Variants in RNASEH2B observed in about 807,000 individuals in gnomAD.
RNASEH2B encodes ribonuclease H2 subunit B, also known as Aicardi-Goutieres syndrome 2 protein.
Under a neutral mutation model 45.0 loss-of-function variants are expected in RNASEH2B, and 36 were observed. The ratio of observed to expected loss-of-function variants is 0.80; its 90% CI spans 0.61 to 1.06. RNASEH2B has a LOEUF of 1.06. Ranked by LOEUF, RNASEH2B falls within the 50% of genes least tolerant of loss-of-function variation. The pLI is 0.00. For missense variants in RNASEH2B, 361 were observed against 360.3 expected (o/e 1.00, Z -0.02); for synonymous variants, 119 against 125.7 (o/e 0.95, Z 0.35).
chr13:50,911,028 A>AT (rs777198843), intron 1 of RNASEH2B: 47 of 152,148 alleles, frequency 3.1e-4, no homozygotes, highest in Non-Finnish European at 5.6e-4. Flanking sequence ...TGTCAATAAT[A>AT]TTTTTTGCCT....
intron 5 of RNASEH2B, 27 bp from the exon 6 acceptor site, chr13:50,943,294 T>C (rs1035038442): frequency 5.4e-6 from 7 of 1,287,948 alleles, no homozygotes; most frequent in Non-Finnish European, 7.9e-6. Flanking sequence ...TTTAATTCAT[T>C]GTGCTGAGTC....
At chr13:50,918,528 T>C (rs1254882718) in intron 1 of RNASEH2B, among the ~76,000 whole-genome samples, 2 of 152,362 alleles carry the variant, frequency 1.3e-5, no homozygotes, top group Non-Finnish European at 2.9e-5. Context: ...TCCTGGTGCA[T>C]GTCTCTCTTG....
chr13:50,933,324 G>A (rs1216966311), intron 4 of RNASEH2B, among the ~76,000 whole-genome samples: 1 of 152,210 alleles, frequency 6.6e-6, no homozygotes, highest in Non-Finnish European at 1.5e-5. Context: ...CCTCCAGGGT[G>A]CTATGGCGAG....
At chr13:50,927,940 C>T (rs1951621820) in intron 2 of RNASEH2B, among the ~76,000 whole-genome samples, 1 of 151,100 alleles carries the variant, frequency 6.6e-6, no homozygotes, top group Non-Finnish European at 1.5e-5. Context: ...AGCTATACTT[C>T]CCTATTTTCT....
intron 6 of RNASEH2B, among the ~76,000 whole-genome samples, chr13:50,944,481 T>G (rs1204340070): frequency 6.6e-6 from 1 of 151,978 alleles, no homozygotes; most frequent in Admixed American, 6.6e-5. Flanking sequence ...AGGGAGAGCA[T>G]TAGGACAAAT....
chr13:50,968,816 C>T (rs552500527), intron 9 of RNASEH2B, among the ~76,000 whole-genome samples: 29 of 152,252 alleles, frequency 1.9e-4, no homozygotes, highest in African/African-American at 6.7e-4. Flanking sequence ...ACTGTACTTT[C>T]ATTAATAAAT....
chr13:50,954,134 A>T, intron 10 of RNASEH2B, 149 bp downstream of exon 10: 2 of 694,986 alleles, frequency 2.9e-6, no homozygotes, highest in Non-Finnish European at 5.3e-6. Context: ...ATAATTAAGA[A>T]TTGCATATGA....
downstream of RNASEH2B, among the ~76,000 whole-genome samples, chr13:50,958,575 CTT>C (rs911846734): frequency 9.9e-5 from 15 of 151,872 alleles, no homozygotes; most frequent in African/African-American, 3.4e-4. Context: ...GCTATCCAAG[CTT>C]TTTTTTGGTT....
In RNASEH2B at chr13:50,930,692, T is replaced by C; in HGVS notation, c.254T>C (p.Leu85Pro). The change falls in exon 4 of 11, where the codon CTC (leucine) becomes CCC (proline). Residue 85 changes from leucine (L) to proline (P), a missense_variant. Coordinates refer to ENST00000336617, the MANE Select transcript of RNASEH2B (RefSeq NM_024570.4). Reference sequence around the variant, plus strand: ...TTTTTGTAATCTGCAGGAGGTCTTCTCCATTTTGCCACACCTGTGGATCCT... The same window carrying C: ...TTTTTGTAATCTGCAGGAGGTCTTCCCCATTTTGCCACACCTGTGGATCCT... Reference protein sequence around the residue: ...INQSVQSGGLLHFATPVDPLF... With the variant: ...INQSVQSGGLPHFATPVDPLF... 1.2e-6 allele frequency: 2 copies of C among 1,612,594 alleles called. No homozygotes were observed. Among genetic ancestry groups the C allele is most frequent in the Non-Finnish European group, 1.7e-6 (2 of 1,178,576 alleles).
chr13:50,950,035 C>T (rs1453562616), intron 9 of RNASEH2B: 1 of 153,550 alleles, frequency 6.5e-6, no homozygotes, highest in Non-Finnish European at 1.4e-5. Context: ...GGCTGCTACC[C>T]ACAGCTCCTC....
At chr13:50,924,478 A>T (rs1160536509) in intron 1 of RNASEH2B, among the ~76,000 whole-genome samples, 1 of 152,242 alleles carries the variant, frequency 6.6e-6, no homozygotes, top group Non-Finnish European at 1.5e-5. Context: ...TAATTATAAC[A>T]TACATGCACC....
chr13:50,960,225 T>G (rs1212387696), downstream of RNASEH2B: 1 of 706,392 alleles, frequency 1.4e-6, no homozygotes. Context: ...TTTACTAAAC[T>G]ATTAATGGAA....
Position 50,927,419 on chromosome 13 carries a change from A to T in RNASEH2B, c.77A>T (p.Asp26Val). ...HVFLVSEYLKDASKKMKNGLM... is the reference protein window; with the variant it reads ...HVFLVSEYLKVASKKMKNGLM... ...GGTTTATTTTCAGAATATTTAAAAG[A>T]TGCTTCAAAGAAGATGAAAAATGGG... Residue 26 changes from aspartate (D) to valine (V), a missense_variant, in exon 2 of 11, where the codon GAT becomes GTT. Asp to Val is a radical substitution (Grantham distance 152, BLOSUM62 -3). Transcript: ENST00000336617. The T allele has an allele frequency of 6.3e-7, 1 of 1,588,740 alleles. No homozygotes were observed.
chr13:50,910,278 G>A, intron 1 of RNASEH2B, 138 bp downstream of exon 1: 1 of 544,696 alleles, frequency 1.8e-6, no homozygotes, highest in Non-Finnish European at 2.9e-6. Context: ...GGGACAGCTG[G>A]CCCCGCATTT....
At chr13:50,965,544 C>G (rs895056690) in intron 9 of RNASEH2B, among the ~76,000 whole-genome samples, 1 of 152,236 alleles carries the variant, frequency 6.6e-6, no homozygotes, top group East Asian at 1.9e-4. Flanking sequence ...CTGGACACCC[C>G]AGACAGGTGT....
chr13:50,954,089 C>T, intron 10 of RNASEH2B, 104 bp downstream of exon 10: 1 of 757,790 alleles, frequency 1.3e-6, no homozygotes, highest in Non-Finnish European at 2.4e-6. Flanking sequence ...CAGTTTTGAC[C>T]AGGAAGAATT....
intron 1 of RNASEH2B, chr13:50,911,326 G>C (rs947947476): frequency 6.6e-6 from 1 of 152,216 alleles, no homozygotes; most frequent in African/African-American, 2.4e-5. Context: ...CAGTTGTTTG[G>C]TTGGTTGGTT....
At chr13:50,954,108 G>T (rs1431868543) in intron 10 of RNASEH2B, 123 bp downstream of exon 10, 1 of 718,134 alleles carries the variant, frequency 1.4e-6, no homozygotes. Context: ...TTATTAACTT[G>T]CATTTCTGTG....
chr13:50,917,211 G>T (rs142423354), intron 1 of RNASEH2B, among the ~76,000 whole-genome samples: 33 of 152,322 alleles, frequency 2.2e-4, no homozygotes, highest in African/African-American at 7.5e-4. Context: ...TGAGGCTAAA[G>T]AGTGCTTTTC....
Sources: gnomAD v4.1 joint callset for allele counts (sites outside exome capture counted in the v4.1 genomes callset) on GRCh38, gnomAD v4.1.1 for gene constraint, MANE v1.5 for transcripts, NCBI Gene and HGNC (gene_info 2026-07-23, HGNC 2026-07-21) for gene names.